The following VPS53 variants were observed in gnomAD, a reference collection of about 807,000 sequenced individuals.
VPS53 encodes the protein VPS53 subunit of GARP complex.
Under a neutral mutation model 107.0 loss-of-function variants are expected in VPS53, and 70 were observed. The observed-to-expected ratio is 0.65, with a 90% CI of 0.54 to 0.80. VPS53 has a LOEUF of 0.80. VPS53 is among the 30% of genes least tolerant of loss of function. The pLI is 0.00. For missense variants in VPS53, 917 were observed against 1,049.4 expected (o/e 0.87, Z 1.74); for synonymous variants, 409 against 393.3 (o/e 1.04, Z -0.47).
intron 12 of VPS53, among the ~76,000 whole-genome samples, chr17:593,272 C>T (rs1447358582): frequency 2.6e-5 from 4 of 152,030 alleles, no homozygotes; most frequent in African/African-American, 9.7e-5. Flanking sequence ...GTCTAAAACA[C>T]CAAAAGCAAT....
chr17:532,650 G>T, intron 19 of VPS53, 192 bp downstream of exon 19: 1 of 1,384,232 alleles, frequency 7.2e-7, no homozygotes, highest in Non-Finnish European at 9.4e-7. Flanking sequence ...GAACTTAGTA[G>T]GCGTTCAAAC....
intron 1 of VPS53, among the ~76,000 whole-genome samples, chr17:711,516 A>G (rs1308786942): frequency 6.6e-6 from 1 of 152,244 alleles, no homozygotes; most frequent in African/African-American, 2.4e-5. Context: ...TGCTGTTTCC[A>G]TAATGCACAT....
rs569382620 is a variant in VPS53 at position 655,848 on chromosome 17, C to T, written c.478G>A (p.Asp160Asn). 1.2e-5 allele frequency: 19 copies of T among 1,612,956 alleles called. No homozygotes were observed. In the South Asian group the frequency reaches 1.3e-4, roughly 11 times the overall value. The change falls in exon 6 of 22, where the codon GAC (aspartate) becomes AAC (asparagine). Residue 160 changes from aspartate to asparagine, a missense_variant. Asp to Asn is a conservative substitution (Grantham distance 23). Coordinates refer to ENST00000437048, the MANE Select transcript of VPS53 (RefSeq NM_001128159.3). ...NHLHMLAGGV[D>N]SLEAMTRRRQ... is the part of the protein sequence containing the mutation. ...GTTGGCATTGCTTACTCGAGGGAGTCGACACCTCCTGCCAGCATGTGCAGG... is the reference window on the plus strand; with the variant it reads ...GTTGGCATTGCTTACTCGAGGGAGTTGACACCTCCTGCCAGCATGTGCAGG...
intron 12 of VPS53, among the ~76,000 whole-genome samples, chr17:595,309 T>C (rs1443765841): frequency 2.0e-5 from 1 of 48,990 alleles, no homozygotes. Context: ...GATTTGATGA[T>C]GCACTCTAGT....
At chr17:638,262 T>A (rs1207357219) in intron 7 of VPS53, among the ~76,000 whole-genome samples, 1 of 152,196 alleles carries the variant, frequency 6.6e-6, no homozygotes, top group Non-Finnish European at 1.5e-5. Flanking sequence ...GTTTTCCATT[T>A]GCTTGGTAGA....
intron 18 of VPS53, among the ~76,000 whole-genome samples, chr17:534,035 T>G (rs1313981997): frequency 6.6e-6 from 1 of 152,144 alleles, no homozygotes; most frequent in African/African-American, 2.4e-5. Flanking sequence ...AGATAGGGTT[T>G]CACCATGTTG....
chr17:654,021 C>A (rs1384973919), intron 6 of VPS53, among the ~76,000 whole-genome samples: 4 of 152,138 alleles, frequency 2.6e-5, no homozygotes, highest in Non-Finnish European at 5.9e-5. Context: ...CGGTGAAACA[C>A]CGTCTCTACT....
chr17:519,740 C>G lies in VPS53; in HGVS notation c.2328+86G>C. 9.8e-7 allele frequency: 1 copy of G among 1,016,492 alleles called. No homozygotes were observed. The highest frequency in any genetic ancestry group is 1.6e-5 in the African/African-American group (1 of 62,360). The allele number at this position is 1,016,492 out of a possible 1,614,324, so 63.0% of individuals were successfully genotyped here. On this transcript the variant is annotated intron_variant, in intron 21 of 21. Coordinates refer to ENST00000437048, the MANE Select transcript of VPS53 (RefSeq NM_001128159.3). This position sits in a 1 kb window ranked among gnomAD's most constrained non-coding sequence, Gnocchi z 5.0. ...GGCACATGCATTTTGAGAAAGCCCCCCCGGAACTTATATCCCAATTCCCGG... is the reference window on the plus strand; with the variant it reads ...GGCACATGCATTTTGAGAAAGCCCCGCCGGAACTTATATCCCAATTCCCGG...
intron 19 of VPS53, among the ~76,000 whole-genome samples, chr17:527,757 G>A (rs1409855180): frequency 6.6e-6 from 1 of 152,110 alleles, no homozygotes; most frequent in African/African-American, 2.4e-5. Context: ...AGGACTACAG[G>A]CACGTGCCAC....
At chr17:582,620 G>T (rs1423993766) in intron 13 of VPS53, among the ~76,000 whole-genome samples, 1 of 144,734 alleles carries the variant, frequency 6.9e-6, no homozygotes, top group Non-Finnish European at 1.5e-5. Flanking sequence ...CGCAGTCCCA[G>T]AGAAACTCCC....
chr17:709,909 G>T (rs1973574495), intron 2 of VPS53, among the ~76,000 whole-genome samples: 1 of 152,122 alleles, frequency 6.6e-6, no homozygotes, highest in Non-Finnish European at 1.5e-5. Flanking sequence ...CACTTTAGGG[G>T]GCCAAGGCAG....
chr17:581,026 C>T (rs1291738130), intron 13 of VPS53, among the ~76,000 whole-genome samples: 1 of 149,816 alleles, frequency 6.7e-6, no homozygotes, highest in African/African-American at 2.5e-5. Context: ...CCTTCCCTCA[C>T]AACCTAATGC....
Position 714,769 on chromosome 17 carries a change from A to G in VPS53, c.-60T>C. 1 of 1,590,510 alleles carries G rather than the reference A, an allele frequency of 6.3e-7. No homozygotes were observed. Among genetic ancestry groups the G allele is most frequent in the Non-Finnish European group, 8.6e-7 (1 of 1,160,196 alleles). ...AGCCCAACTCAGGCCTCCAGCCGCC[A>G]CCCAGGCCCCAGCACAGCAACTCCC... On this transcript the variant is annotated 5_prime_UTR_variant, in exon 1 of 22. Coordinates refer to ENST00000437048, the MANE Select transcript of VPS53 (RefSeq NM_001128159.3).
In VPS53 at chr17:657,523, G is replaced by C. The variant is rs918283922; in HGVS notation, c.373-1570C>G. ...TGCTTTGGAGCTGCTACCCGCTTCA[G>C]ATGCTTCTTGGCACCACGAGCCATG... On this transcript the variant is annotated intron_variant, in intron 5 of 21. Transcript: ENST00000437048. 1.1e-5 allele frequency: 16 copies of C among 1,470,836 alleles called. No individual in the cohort carries two copies. In the African/African-American group the frequency reaches 1.2e-4, roughly 11 times the overall value. 91.1% of individuals were successfully genotyped at this position (1,470,836 alleles called of 1,614,324 possible).
intron 15 of VPS53, among the ~76,000 whole-genome samples, chr17:555,371 C>G (rs1230804614): frequency 1.3e-5 from 2 of 152,244 alleles, no homozygotes; most frequent in Non-Finnish European, 2.9e-5. Flanking sequence ...ACTTTCTAAG[C>G]CCTCCAGGCT....
chr17:656,036 C>A, intron 5 of VPS53, 83 bp from the exon 6 acceptor site: 1 of 1,052,004 alleles, frequency 9.5e-7, no homozygotes, highest in South Asian at 1.5e-5. Flanking sequence ...CTGTAAGAAA[C>A]GAATGCAGAT....
intron 7 of VPS53, among the ~76,000 whole-genome samples, chr17:651,840 C>T (rs1970963563): frequency 6.6e-6 from 1 of 152,172 alleles, no homozygotes; most frequent in African/African-American, 2.4e-5. Flanking sequence ...ATCAACTCCT[C>T]CTCGTCCTCC....
At chr17:710,750 C>G (rs996225394) in intron 1 of VPS53, 137 bp from the exon 2 acceptor site, 1 of 595,428 alleles carries the variant, frequency 1.7e-6, no homozygotes, top group Non-Finnish European at 2.9e-6. Context: ...GAGGCCAAAG[C>G]AGATGGATCA....
intron 13 of VPS53, among the ~76,000 whole-genome samples, chr17:573,888 CA>C (rs201638766): frequency 2.2e-3 from 328 of 152,296 alleles, no homozygotes; most frequent in African/African-American, 7.5e-3. Flanking sequence ...TGCACAAAAC[CA>C]GTCCCCACCT....
Sources: allele counts gnomAD v4.1 joint callset (sites outside exome capture counted in the v4.1 genomes callset), GRCh38; gene constraint gnomAD v4.1.1; non-coding constraint Gnocchi (gnomAD v3.1); transcripts MANE v1.5; gene names NCBI Gene and HGNC (gene_info 2026-07-23, HGNC 2026-07-21).